AKT3: variants seen among roughly 807,000 people sequenced by gnomAD.
AKT3 encodes RAC-gamma serine/threonine-protein kinase.
AKT3 carries 15 observed loss-of-function variants against 65.3 expected under a neutral mutation model. The ratio of observed to expected loss-of-function variants is 0.23; its 90% CI spans 0.15 to 0.35. The LOEUF is 0.35. Among genes scored for constraint, AKT3 ranks in the 10% least tolerant of loss-of-function variants. AKT3 has a pLI of 1.00. For synonymous variants in AKT3, 206 were observed against 183.8 expected (o/e 1.12, Z -0.98); for missense variants, 243 against 576.5 (o/e 0.42, Z 5.92).
At chr1:243,800,700 G>C (rs2148365412) in intron 2 of AKT3, among the ~76,000 whole-genome samples, 1 of 151,500 alleles carries the variant, frequency 6.6e-6, no homozygotes, top group East Asian at 1.9e-4. Context: ...CCCAGCGACA[G>C]AGTGAGACTC....
chr1:243,618,823 C>G (rs1344415011), intron 6 of AKT3, among the ~76,000 whole-genome samples: 4 of 151,902 alleles, frequency 2.6e-5, no homozygotes, highest in Non-Finnish European at 5.9e-5. Context: ...TTCATTTGAC[C>G]CTCTCGATGT....
At chr1:243,664,952 TA>T in intron 3 of AKT3, 69 bp from the exon 4 acceptor site, 15 of 846,562 alleles carry the variant, frequency 1.8e-5, no homozygotes, top group Non-Finnish European at 2.4e-5. Context: ...AATTGAGAAC[TA>T]CAGAGTTCTA....
chr1:243,576,081 A>G (rs532616939), intron 8 of AKT3, among the ~76,000 whole-genome samples: 22 of 152,320 alleles, frequency 1.4e-4, no homozygotes, highest in African/African-American at 5.3e-4. Context: ...TTGGATCCAC[A>G]TATGCAAATC....
rs552236991 is a variant in AKT3, at chr1:243,628,541, G to A, written c.561+9070C>T. On this transcript the variant is annotated intron_variant, in intron 6 of 13. Transcript: ENST00000673466. ...TCTGAGTCTGAACTCCTGGACTCATGCGATTCTCCTGCCTTGGCCTCCCAA... is the reference window on the plus strand; with the variant it reads ...TCTGAGTCTGAACTCCTGGACTCATACGATTCTCCTGCCTTGGCCTCCCAA... Among the ~76,000 whole-genome samples, 40 of 152,262 alleles carry A rather than the reference G, an allele frequency of 2.6e-4. 1 individual carries two copies. In the South Asian group the frequency reaches 8.1e-3, roughly 31 times the overall value.
intron 2 of AKT3, among the ~76,000 whole-genome samples, chr1:243,786,721 A>C (rs1691288740): frequency 6.6e-6 from 1 of 152,124 alleles, no homozygotes; most frequent in Non-Finnish European, 1.5e-5. Context: ...AAAAATGATT[A>C]GAAGCTGTTG....
At chr1:243,623,457 T>C (rs928260004) in intron 6 of AKT3, among the ~76,000 whole-genome samples, 4 of 152,148 alleles carry the variant, frequency 2.6e-5, no homozygotes, top group African/African-American at 9.7e-5. Flanking sequence ...TGTGAATTGA[T>C]GGACTGAGTG....
At chr1:243,824,871 A>T (rs752889111) in intron 2 of AKT3, among the ~76,000 whole-genome samples, 18 of 152,222 alleles carry the variant, frequency 1.2e-4, no homozygotes, top group Admixed American at 2.0e-4. Flanking sequence ...CTAGAACCAG[A>T]AATACCATTT....
chr1:243,846,210 C>G (rs1052535606), intron 1 of AKT3, among the ~76,000 whole-genome samples: 3 of 152,160 alleles, frequency 2.0e-5, no homozygotes, highest in South Asian at 2.1e-4. Context: ...ATACTGTCCT[C>G]CTTCCCCTCC....
At chr1:243,721,617 T>C (rs1196423427) in intron 2 of AKT3, among the ~76,000 whole-genome samples, 1 of 152,198 alleles carries the variant, frequency 6.6e-6, no homozygotes, top group African/African-American at 2.4e-5. Context: ...TTTCCACTAC[T>C]ATACTACCAA....
At chr1:243,519,570 G>C (rs1228797145) in intron 12 of AKT3, among the ~76,000 whole-genome samples, 1 of 152,112 alleles carries the variant, frequency 6.6e-6, no homozygotes, top group East Asian at 1.9e-4. Flanking sequence ...GATAACACCT[G>C]ATTATAAGCA....
chr1:243,802,126 G>A (rs928434123), intron 2 of AKT3, among the ~76,000 whole-genome samples: 17 of 152,088 alleles, frequency 1.1e-4, no homozygotes, highest in Non-Finnish European at 2.2e-4. Flanking sequence ...CCCAAAGGCC[G>A]CAGCTCATTT....
chr1:243,533,033 T>G (rs1026695179), intron 12 of AKT3, among the ~76,000 whole-genome samples: 3 of 152,202 alleles, frequency 2.0e-5, no homozygotes, highest in African/African-American at 7.2e-5. Flanking sequence ...ATTTTTCTCT[T>G]TTTCCTCCTT....
chr1:243,697,492 A>T (rs1685129615), intron 2 of AKT3, among the ~76,000 whole-genome samples: 1 of 152,080 alleles, frequency 6.6e-6, no homozygotes, highest in African/African-American at 2.4e-5. Flanking sequence ...GTTAGTTGCA[A>T]TGTAGAACTT....
At chr1:243,563,995 T>C (rs991746033) in intron 9 of AKT3, 147 bp from the exon 10 acceptor site, 1 of 598,452 alleles carries the variant, frequency 1.7e-6, no homozygotes, top group African/African-American at 1.9e-5. Flanking sequence ...TTACAAACTC[T>C]GTTGCTTCAC....
intron 3 of AKT3, among the ~76,000 whole-genome samples, chr1:243,680,413 C>G (rs1683828974): frequency 6.6e-6 from 1 of 152,010 alleles, no homozygotes; most frequent in African/African-American, 2.4e-5. Context: ...AACAGGCACC[C>G]TAGTCTCTTT....
At chr1:243,739,669 T>A (rs1483267026) in intron 2 of AKT3, 1 of 152,140 alleles carries the variant, frequency 6.6e-6, no homozygotes, top group African/African-American at 2.4e-5. Flanking sequence ...TTAAAGCCCC[T>A]CAACCACGTC....
At chr1:243,729,034 T>C (rs779389139) in intron 2 of AKT3, among the ~76,000 whole-genome samples, 5 of 151,956 alleles carry the variant, frequency 3.3e-5, no homozygotes, top group Non-Finnish European at 7.4e-5. Context: ...TATTAAGAGA[T>C]GGAGAAAAAG....
intron 1 of AKT3, among the ~76,000 whole-genome samples, chr1:243,849,393 C>T (rs1695657705): frequency 7.0e-6 from 1 of 142,804 alleles, no homozygotes; most frequent in African/African-American, 2.7e-5. Context: ...CACACCCCCC[C>T]CCCCACCCCA....
intron 4 of AKT3, among the ~76,000 whole-genome samples, chr1:243,650,580 TG>T (rs1199016892): frequency 1.3e-5 from 2 of 152,328 alleles, no homozygotes; most frequent in Non-Finnish European, 2.9e-5. Flanking sequence ...GGTTGATTTT[TG>T]TATAAGGTGT....
Sources: allele counts gnomAD v4.1 joint callset (sites outside exome capture counted in the v4.1 genomes callset), GRCh38; gene constraint gnomAD v4.1.1; transcripts MANE v1.5; gene names NCBI Gene and HGNC (gene_info 2026-07-23, HGNC 2026-07-21).